The following ADGRA3 variants were observed in gnomAD, a reference collection of about 807,000 sequenced individuals.
The protein encoded by ADGRA3 is adhesion G protein-coupled receptor A3, also known as G-protein coupled receptor 125.
ADGRA3 carries 56 observed loss-of-function variants against 119.8 expected under a neutral mutation model. That is an observed-to-expected ratio of 0.47 (90% CI 0.38 to 0.58). The LOEUF is 0.58. ADGRA3 is among the 20% of genes least tolerant of loss of function. ADGRA3 has a pLI of 0.00. For missense variants in ADGRA3, 1,516 were observed against 1,649.0 expected (o/e 0.92, Z 1.40); for synonymous variants, 607 against 623.8 (o/e 0.97, Z 0.40).
intron 3 of ADGRA3, among the ~76,000 whole-genome samples, chr4:22,458,539 G>A (rs1577360942): frequency 6.6e-6 from 1 of 152,242 alleles, no homozygotes; most frequent in East Asian, 1.9e-4. Flanking sequence ...TGATTTACCT[G>A]TGTGTCTCCA....
At chr4:22,439,856 A>AC (rs1315898344) in intron 7 of ADGRA3, among the ~76,000 whole-genome samples, 1 of 152,092 alleles carries the variant, frequency 6.6e-6, no homozygotes, top group African/African-American at 2.4e-5. Flanking sequence ...ATGGTGCCCC[A>AC]CCCCAGCTCA....
At chr4:22,445,405 C>T (rs1716793912) in intron 5 of ADGRA3, among the ~76,000 whole-genome samples, 2 of 152,146 alleles carry the variant, frequency 1.3e-5, no homozygotes, top group African/African-American at 2.4e-5. Flanking sequence ...CTCTTCTATG[C>T]AACAAGCCAC....
At chr4:22,468,779 AAAAG>A (rs1466040864) in intron 2 of ADGRA3, among the ~76,000 whole-genome samples, 2 of 151,890 alleles carry the variant, frequency 1.3e-5, no homozygotes, top group East Asian at 3.9e-4. Flanking sequence ...AAAAAAAAAA[AAAAG>A]ATAGAGATGG....
At chr4:22,457,987 A>G (rs1717300552) in intron 3 of ADGRA3, among the ~76,000 whole-genome samples, 9 of 152,226 alleles carry the variant, frequency 5.9e-5, no homozygotes, top group Admixed American at 5.9e-4. Context: ...AACAGTGTGG[A>G]ACACAGAGGG....
chr4:22,435,979 G>A (rs1716375405), intron 9 of ADGRA3, among the ~76,000 whole-genome samples: 1 of 151,972 alleles, frequency 6.6e-6, no homozygotes, highest in South Asian at 2.1e-4. Context: ...AGGTGCTAAG[G>A]GGCAAAAGAA....
At chr4:22,474,514 A>T (rs954196080) in intron 1 of ADGRA3, among the ~76,000 whole-genome samples, 1 of 152,232 alleles carries the variant, frequency 6.6e-6, no homozygotes, top group South Asian at 2.1e-4. Flanking sequence ...AAGAGACTTC[A>T]TATTATCTGG....
chr4:22,444,832 AAAT>A (rs1165770054), intron 6 of ADGRA3, 138 bp downstream of exon 6: 1 of 818,226 alleles, frequency 1.2e-6, no homozygotes, highest in Non-Finnish European at 1.9e-6. Flanking sequence ...GGCATAAACT[AAAT>A]ATTATCAAAT....
intron 5 of ADGRA3, among the ~76,000 whole-genome samples, chr4:22,447,170 A>G (rs2109080274): frequency 6.6e-6 from 1 of 152,306 alleles, no homozygotes; most frequent in South Asian, 2.1e-4. Flanking sequence ...TGATTTGAAA[A>G]AAAAGTCAAA....
rs577794574 is a variant in ADGRA3 at position 22,439,732 on chromosome 4, C to G, written c.921-1312G>C. ...ATTAAATTTAACTTTGTCCAACATT[C>G]TACTTTATAAGGCTTTACTGAACTA... On this transcript the variant is annotated intron_variant, in intron 7 of 18. Transcript: ENST00000334304. 3.3e-5 allele frequency among the ~76,000 whole-genome samples: 5 copies of G among 152,262 alleles called. No homozygotes were observed. The East Asian group carries it at 7.7e-4, about 24-fold the overall frequency.
Position 22,392,704 on chromosome 4 carries a change from C to A in ADGRA3, c.2482-14G>T. The A allele has an allele frequency of 1.3e-6, 2 of 1,590,502 alleles. No homozygotes were observed. The highest frequency in any genetic ancestry group is 2.3e-5 in the South Asian group (2 of 86,076). On this transcript the variant is annotated splice_polypyrimidine_tract_variant and intron_variant, in intron 16 of 18. Transcript: ENST00000334304. Reference sequence around the variant, plus strand: ...AATTATCCCAACCTACAAGGAAGATCAAAGAATAAATAAAAGAAAAAAAAT... The same window carrying A: ...AATTATCCCAACCTACAAGGAAGATAAAAGAATAAATAAAAGAAAAAAAAT...
intron 2 of ADGRA3, among the ~76,000 whole-genome samples, chr4:22,467,661 T>C (rs1482295059): frequency 6.6e-6 from 1 of 152,186 alleles, no homozygotes; most frequent in East Asian, 1.9e-4. Context: ...TTTTCTTTAA[T>C]AAAAAATTCT....
At chr4:22,450,949 A>ATATATATATAT (rs1168085129) in intron 4 of ADGRA3, among the ~76,000 whole-genome samples, 6 of 133,244 alleles carry the variant, frequency 4.5e-5, no homozygotes, top group African/African-American at 1.4e-4. Context: ...AAAAAAAAAA[A>ATATATATATAT]AAATATATAT....
chr4:22,509,223 C>T (rs1291270508), intron 1 of ADGRA3, among the ~76,000 whole-genome samples: 5 of 151,894 alleles, frequency 3.3e-5, no homozygotes, highest in Non-Finnish European at 7.4e-5. Context: ...CAGTTCACAG[C>T]CGGGAGTGGT....
chr4:22,507,441 AACT>A (rs1290315725), intron 1 of ADGRA3, among the ~76,000 whole-genome samples: 1 of 152,174 alleles, frequency 6.6e-6, no homozygotes, highest in Non-Finnish European at 1.5e-5. Context: ...TCTTCTAAGA[AACT>A]ACATCCCGTG....
Position 22,472,041 on chromosome 4 carries a change from C to T in ADGRA3, c.329+1731G>A, listed in dbSNP as rs139094469. On this transcript the variant is annotated intron_variant, in intron 2 of 18. Transcript: ENST00000334304. ...TTTTTATGGTGTGCATGAACAGCCA[C>T]ATCAATCTTAGGTGCCAAAAATAAA... Among the ~76,000 whole-genome samples the T allele has an allele frequency of 6.0e-4, 92 of 152,262 alleles. 2 individuals carry two copies. In the East Asian group the frequency reaches 0.014, roughly 23 times the overall value.
Position 22,401,481 on chromosome 4 carries a change from C to T in ADGRA3, c.2431G>A (p.Val811Ile). Reference protein sequence around the residue: ...LCFHIFLTCVVFVGGITQTRN... With the variant: ...LCFHIFLTCVIFVGGITQTRN... ...GTCTGGGTTATTCCTCCCACAAAGA[C>T]CACACAGGTTAGGAAAATATGAAAG... Residue 811 changes from valine (V) to isoleucine (I), a missense_variant, in exon 16 of 19, where the codon GTC (valine) becomes ATC (isoleucine). Val to Ile is a conservative substitution (Grantham distance 29, BLOSUM62 3). Around this residue, in one of 2 missense-constraint regions of ADGRA3, gnomAD observed 1,088 missense variants for 1,107.1 expected, o/e 0.98. Transcript: ENST00000334304. 6.2e-7 allele frequency: 1 copy of T among 1,612,018 alleles called. No homozygotes were observed. Among genetic ancestry groups the T allele is most frequent in the Non-Finnish European group, 8.5e-7 (1 of 1,178,850 alleles).
chr4:22,460,121 T>G (rs1304972076), intron 3 of ADGRA3, among the ~76,000 whole-genome samples: 2 of 152,176 alleles, frequency 1.3e-5, no homozygotes, highest in African/African-American at 4.8e-5. Flanking sequence ...AGTTCAAATC[T>G]AAACACGTCA....
chr4:22,463,403 G>T (rs1378936221), intron 2 of ADGRA3, among the ~76,000 whole-genome samples: 3 of 152,144 alleles, frequency 2.0e-5, no homozygotes, highest in Non-Finnish European at 4.4e-5. Flanking sequence ...CACTGTGCTA[G>T]GCTCTTTAAT....
intron 1 of ADGRA3, among the ~76,000 whole-genome samples, chr4:22,496,251 G>A (rs945281509): frequency 6.6e-5 from 10 of 152,112 alleles, no homozygotes; most frequent in East Asian, 1.9e-4. Context: ...GGGCTGACTC[G>A]GCTCAAGTCC....
Sources: allele counts gnomAD v4.1 joint callset (sites outside exome capture counted in the v4.1 genomes callset), GRCh38; gene constraint gnomAD v4.1.1; regional missense constraint gnomAD v4.1.1; transcripts MANE v1.5; gene names NCBI Gene and HGNC (gene_info 2026-07-23, HGNC 2026-07-21).